Variants in TMEM272 observed in about 807,000 individuals in gnomAD.
TMEM272 encodes the protein long intergenic non-protein coding RNA 282.
In TMEM272, 8 loss-of-function variants were observed where a neutral mutation model predicts 3.7. The ratio of observed to expected loss-of-function variants is 2.17; its 90% CI spans 1.27 to 3.91. The LOEUF (loss-of-function observed/expected upper bound fraction) is 3.91. Among genes scored for constraint, TMEM272 ranks in the 30% most tolerant of loss-of-function variants. The pLI, the probability that TMEM272 is intolerant of heterozygous loss-of-function variation, is 0.00. For missense variants in TMEM272, 166 were observed against 91.5 expected (o/e 1.81, Z -3.32); for synonymous variants, 63 against 39.8 (o/e 1.58, Z -2.20).
chr13:51,837,898 T>A (rs1956229351), intron 2 of TMEM272, among the ~76,000 whole-genome samples: 1 of 152,214 alleles, frequency 6.6e-6, no homozygotes, highest in South Asian at 2.1e-4. Flanking sequence ...GTTCCCTTTA[T>A]CCACATTTCA....
the TMEM272 span, among the ~76,000 whole-genome samples, chr13:51,859,894 A>AT: frequency 0.4 from 59,725 of 148,574 alleles, 11,910 homozygotes; most frequent in East Asian, 0.52. Context: ...CTGTTATTCT[A>AT]TTTTTTTTTT....
intron 2 of TMEM272, among the ~76,000 whole-genome samples, chr13:51,836,201 C>A (rs1956215245): frequency 1.3e-5 from 2 of 152,106 alleles, no homozygotes; most frequent in South Asian, 4.1e-4. Context: ...AGGGGGAGTT[C>A]AGCCCTTTTT....
At chr13:51,901,275 C>T in the TMEM272 span, among the ~76,000 whole-genome samples, 1 of 152,072 alleles carries the variant, frequency 6.6e-6, no homozygotes, top group South Asian at 2.1e-4. Context: ...CTGAGTGTGG[C>T]TGCATCTGGT....
In TMEM272 at chr13:51,817,070, A is replaced by T; in HGVS notation, c.245T>A (p.Leu82Gln). 1 of 702,934 alleles carries T rather than the reference A, an allele frequency of 1.4e-6. No individual in the cohort carries two copies. The highest frequency in any genetic ancestry group is 2.7e-5 in the East Asian group (1 of 37,288). The allele number at this position is 702,934 out of a possible 1,614,324, so 43.5% of individuals were successfully genotyped here. The change falls in exon 5 of 5, where the codon CTG becomes CAG. Residue 82 changes from leucine to glutamine, a missense_variant. Transcript: ENST00000629372. The stretch of plus-strand genomic sequence containing the variant: ...GTCATCAATCACCACGGCCTTGGAC[A>T]GCAGCCGCCTCATCCTGGTGGAGTC... ...LYDSTRMRRLLSKAVVIDDDD... is the reference protein window; with the variant it reads ...LYDSTRMRRLQSKAVVIDDDD...
At chr13:51,916,998 T>C in the TMEM272 span, among the ~76,000 whole-genome samples, 12 of 152,304 alleles carry the variant, frequency 7.9e-5, no homozygotes, top group Middle Eastern at 3.4e-3. Flanking sequence ...CATTCCCTTA[T>C]GCGGAGGAGG....
chr13:51,908,074 T>C, the TMEM272 span: 6 of 382,836 alleles, frequency 1.6e-5, no homozygotes, highest in African/African-American at 8.3e-5. Flanking sequence ...AAATCATCCT[T>C]ATTTACAAAA....
the TMEM272 span, among the ~76,000 whole-genome samples, chr13:51,896,066 A>G: frequency 6.6e-6 from 1 of 152,206 alleles, no homozygotes; most frequent in East Asian, 1.9e-4. Flanking sequence ...AGGGAGAACA[A>G]GAGTCTGCTA....
chr13:51,824,563 G>T (rs1956107208), intron 3 of TMEM272, among the ~76,000 whole-genome samples: 1 of 152,212 alleles, frequency 6.6e-6, no homozygotes, highest in African/African-American at 2.4e-5. Flanking sequence ...AGTGGATGTG[G>T]TGATTTTAAT....
At chr13:51,865,556 G>GA in the TMEM272 span, 4 of 1,614,082 alleles carry the variant, frequency 2.5e-6, no homozygotes, top group South Asian at 4.4e-5. Flanking sequence ...AATTTTTCGT[G>GA]AAAAAATAGA....
chr13:51,862,337 T>C, the TMEM272 span: 1 of 152,238 alleles, frequency 6.6e-6, no homozygotes, highest in Non-Finnish European at 1.5e-5. Context: ...AACTGAAAAC[T>C]GGGCATGTAT....
the TMEM272 span, among the ~76,000 whole-genome samples, chr13:51,894,431 A>G: frequency 1.8e-4 from 27 of 152,330 alleles, 3 homozygotes; most frequent in Middle Eastern, 0.024. Context: ...GTGGAAGTTC[A>G]GTAAAAGGAC....
the TMEM272 span, among the ~76,000 whole-genome samples, chr13:51,932,147 G>A: frequency 6.6e-6 from 1 of 152,018 alleles, no homozygotes; most frequent in African/African-American, 2.4e-5. Context: ...TGGTGTGGGT[G>A]AAGATTACAC....
chr13:51,840,216 C>T (rs1350293818), intron 1 of TMEM272, among the ~76,000 whole-genome samples: 1 of 151,980 alleles, frequency 6.6e-6, no homozygotes, highest in Non-Finnish European at 1.5e-5. Context: ...CTCCACTTCA[C>T]CCCAGAGCAA....
At chr13:51,911,399 G>A in the TMEM272 span, among the ~76,000 whole-genome samples, 1 of 152,162 alleles carries the variant, frequency 6.6e-6, no homozygotes, top group African/African-American at 2.4e-5. Context: ...ACTTAAAACA[G>A]TGCTGTCACA....
the TMEM272 span, among the ~76,000 whole-genome samples, chr13:51,926,419 G>A: frequency 1.3e-5 from 2 of 152,172 alleles, no homozygotes; most frequent in Non-Finnish European, 2.9e-5. Context: ...CCCTCCAGGA[G>A]ATCTGCTTCA....
chr13:51,928,673 A>G, the TMEM272 span, among the ~76,000 whole-genome samples: 1 of 152,148 alleles, frequency 6.6e-6, no homozygotes, highest in Non-Finnish European at 1.5e-5. Context: ...GAGAAAATAG[A>G]GGTCTGGAGC....
At chr13:51,915,260 G>A in the TMEM272 span, among the ~76,000 whole-genome samples, 6 of 152,256 alleles carry the variant, frequency 3.9e-5, no homozygotes, top group Middle Eastern at 3.4e-3. Flanking sequence ...TTTCATTATC[G>A]ATAGTTGGAA....
chr13:51,868,933 C>A, the TMEM272 span, among the ~76,000 whole-genome samples: 3 of 152,160 alleles, frequency 2.0e-5, no homozygotes, highest in Non-Finnish European at 4.4e-5. Flanking sequence ...GTGCCTCCAC[C>A]CAGAAGTGCT....
At chr13:51,892,510 G>T in the TMEM272 span, among the ~76,000 whole-genome samples, 4 of 152,140 alleles carry the variant, frequency 2.6e-5, no homozygotes, top group Admixed American at 1.3e-4. Context: ...CTTGCTTCCT[G>T]TTAGATTGAG....
Sources: gnomAD v4.1 joint callset for allele counts (sites outside exome capture counted in the v4.1 genomes callset) on GRCh38, gnomAD v4.1.1 for gene constraint, MANE v1.5 for transcripts, NCBI Gene and HGNC (gene_info 2026-07-23, HGNC 2026-07-21) for gene names.